Variants in MBOAT1 observed in about 807,000 individuals in gnomAD.
MBOAT1 encodes membrane-bound glycerophospholipid O-acyltransferase 1.
MBOAT1 carries 67 observed loss-of-function variants against 64.4 expected under a neutral mutation model. The ratio of observed to expected loss-of-function variants is 1.04; its 90% confidence interval spans 0.85 to 1.27. The LOEUF is 1.27. Ranked by LOEUF, MBOAT1 falls within the 50% of genes most tolerant of loss-of-function variation. MBOAT1 has a pLI of 0.00. For synonymous variants in MBOAT1, 229 were observed against 218.9 expected (o/e 1.05, Z -0.41); for missense variants, 563 against 604.6 (o/e 0.93, Z 0.72).
intron 4 of MBOAT1, among the ~76,000 whole-genome samples, chr6:20,132,035 A>AT (rs1760844197): frequency 6.6e-6 from 1 of 152,146 alleles, no homozygotes; most frequent in African/African-American, 2.4e-5. Context: ...GGTATATACC[A>AT]TCGCGCCCGG....
At position 20,111,849 on chromosome 6, in the gene MBOAT1, T is replaced by TATATATAC. The variant is rs1361087679; in HGVS notation, c.1209+1026_1209+1027insGTATATAT. On this transcript the variant is annotated intron_variant, in intron 11 of 12. Transcript: ENST00000324607. ...ACATATATATACACATATATATACA[T>TATATATAC]ATATATATACATATATATACATATA... Among the ~76,000 whole-genome samples, 718 of 79,766 alleles carry TATATATAC rather than the reference T, an allele frequency of 9.0e-3. 28 individuals carry two copies. Among genetic ancestry groups the TATATATAC allele is most frequent in the East Asian group, 0.014 (36 of 2,546 alleles). The allele number at this position is 79,766 out of a possible 152,430, so 52.3% of individuals were successfully genotyped here. A position where few individuals can be genotyped will look rare whatever the true frequency, so the allele number is the denominator to read the frequency against.
intron 4 of MBOAT1, among the ~76,000 whole-genome samples, chr6:20,140,010 C>A (rs943550305): frequency 1.3e-5 from 2 of 152,162 alleles, no homozygotes; most frequent in Non-Finnish European, 2.9e-5. Flanking sequence ...AGGACCAAAG[C>A]CTTTCCTTGG....
At chr6:20,188,057 CTA>C (rs1762705090) in intron 1 of MBOAT1, among the ~76,000 whole-genome samples, 1 of 152,118 alleles carries the variant, frequency 6.6e-6, no homozygotes, top group South Asian at 2.1e-4. Context: ...AGTTACAGCA[CTA>C]TATGGATCAT....
chr6:20,110,644 A>C (rs998631502), intron 11 of MBOAT1, among the ~76,000 whole-genome samples: 1 of 152,170 alleles, frequency 6.6e-6, no homozygotes, highest in African/African-American at 2.4e-5. Context: ...AGCATCACTT[A>C]AAAACTTGGC....
chr6:20,164,646 T>A (rs2876531), intron 1 of MBOAT1, among the ~76,000 whole-genome samples: 49,131 of 130,754 alleles, frequency 0.38, 9,045 homozygotes, highest in East Asian at 0.67. Context: ...TTTAAAAAAA[T>A]TTTTTTTAAG....
intron 11 of MBOAT1, among the ~76,000 whole-genome samples, chr6:20,111,837 C>CATATATATACATATATATAT (rs1554115565): frequency 1.1e-5 from 1 of 92,630 alleles, no homozygotes; most frequent in African/African-American, 3.6e-5. Context: ...TATATATACA[C>CATATATATACATATATATAT]ATATATATAC....
intron 1 of MBOAT1, among the ~76,000 whole-genome samples, chr6:20,187,710 G>T (rs1170515130): frequency 6.6e-6 from 1 of 152,226 alleles, no homozygotes; most frequent in African/African-American, 2.4e-5. Flanking sequence ...GTAAAGAAGG[G>T]AAGGAGACTG....
Position 20,117,434 on chromosome 6 carries a change from T to TA in MBOAT1, c.1011+1002dup, listed in dbSNP as rs561360561. 5.4e-4 allele frequency among the ~76,000 whole-genome samples: 80 copies of TA among 147,958 alleles called. 1 individual carries two copies. The highest frequency in any genetic ancestry group is 7.0e-4 in the Non-Finnish European group (47 of 66,698). On this transcript the variant is annotated intron_variant, in intron 9 of 12. Coordinates refer to ENST00000324607, the MANE Select transcript of MBOAT1 (RefSeq NM_001080480.3). The stretch of plus-strand genomic sequence containing the variant: ...TTTTGAAGTAGTGCTGTCTCAATGC[T>TA]AAAAAAAAAAGTGAAAATATAATCC...
intron 11 of MBOAT1, among the ~76,000 whole-genome samples, chr6:20,112,178 T>G (rs1162357976): frequency 2.0e-5 from 3 of 151,952 alleles, no homozygotes; most frequent in Non-Finnish European, 4.4e-5. Context: ...ACAAAACTCC[T>G]GTATTTGGCA....
intron 4 of MBOAT1, among the ~76,000 whole-genome samples, chr6:20,142,504 C>T (rs1164844786): frequency 6.6e-6 from 1 of 152,178 alleles, no homozygotes; most frequent in African/African-American, 2.4e-5. Context: ...GGCTGGAGTG[C>T]AGTGGCGCGA....
chr6:20,105,621 G>A (rs1016374253), intron 12 of MBOAT1, among the ~76,000 whole-genome samples: 5 of 151,976 alleles, frequency 3.3e-5, no homozygotes, highest in Non-Finnish European at 5.9e-5. Flanking sequence ...AAAATTAGGC[G>A]GGTGCGGTCG....
At chr6:20,132,559 A>G (rs11970289) in intron 4 of MBOAT1, among the ~76,000 whole-genome samples, 3,342 of 152,310 alleles carry the variant, frequency 0.022, 117 homozygotes, top group African/African-American at 0.075. Context: ...TACACATGAA[A>G]GAACAGAAAA....
intron 11 of MBOAT1, among the ~76,000 whole-genome samples, chr6:20,111,869 C>CGTATATATATACATATATATACGT (rs1554115582): frequency 1.6e-5 from 2 of 124,324 alleles, no homozygotes; most frequent in East Asian, 4.1e-4. Context: ...CATATATATA[C>CGTATATATATACATATATATACGT]ATATATATAT....
At chr6:20,166,337 T>C (rs1762014744) in intron 1 of MBOAT1, among the ~76,000 whole-genome samples, 1 of 152,134 alleles carries the variant, frequency 6.6e-6, no homozygotes, top group South Asian at 2.1e-4. Context: ...CTTTACTCCA[T>C]TCCCTAGGAG....
intron 12 of MBOAT1, among the ~76,000 whole-genome samples, chr6:20,103,719 G>C (rs1218189176): frequency 6.6e-6 from 1 of 152,184 alleles, no homozygotes; most frequent in East Asian, 1.9e-4. Context: ...GAGCCACCAT[G>C]CCCGGCCACC....
intron 8 of MBOAT1, among the ~76,000 whole-genome samples, chr6:20,120,636 A>G (rs1434768803): frequency 6.6e-6 from 1 of 150,590 alleles, no homozygotes; most frequent in Non-Finnish European, 1.5e-5. Flanking sequence ...GCCATTGCAC[A>G]CCAGCTGGGC....
intron 1 of MBOAT1, among the ~76,000 whole-genome samples, chr6:20,155,523 G>A (rs1423521361): frequency 6.6e-6 from 1 of 152,168 alleles, no homozygotes; most frequent in African/African-American, 2.4e-5. Context: ...TGCTTTGGGG[G>A]AATTGGTGTC....
At chr6:20,152,868 T>C in intron 1 of MBOAT1, 99 bp from the exon 2 acceptor site, 1 of 1,363,238 alleles carries the variant, frequency 7.3e-7, no homozygotes, top group Non-Finnish European at 9.8e-7. Context: ...AGTCTCGTTC[T>C]GTCGCCCAGG....
At chr6:20,199,050 C>A (rs1561786167) in intron 1 of MBOAT1, among the ~76,000 whole-genome samples, 1 of 152,238 alleles carries the variant, frequency 6.6e-6, no homozygotes, top group Non-Finnish European at 1.5e-5. Context: ...TCAAAGAAGG[C>A]AAAGGCCAAC....
Sources: allele counts gnomAD v4.1 joint callset (sites outside exome capture counted in the v4.1 genomes callset), GRCh38; gene constraint gnomAD v4.1.1; transcripts MANE v1.5; gene names NCBI Gene and HGNC (gene_info 2026-07-23, HGNC 2026-07-21).